The following DDX31 variants were observed in gnomAD, a reference collection of about 807,000 sequenced individuals.
DDX31 encodes the protein ATP-dependent DNA helicase DDX31.
DDX31 carries 70 observed loss-of-function variants against 91.3 expected under a neutral mutation model. The ratio of observed to expected loss-of-function variants is 0.77; its 90% CI spans 0.63 to 0.94. The LOEUF is 0.94. Ranked by LOEUF, DDX31 falls within the 40% of genes least tolerant of loss-of-function variation. The pLI, the probability that DDX31 is intolerant of heterozygous loss-of-function variation, is 0.00. For missense variants in DDX31, 902 were observed against 925.0 expected (o/e 0.98, Z 0.32); for synonymous variants, 362 against 350.6 (o/e 1.03, Z -0.36).
chr9:132,665,742 T>C (rs138780519), intron 1 of DDX31, among the ~76,000 whole-genome samples: 18 of 152,364 alleles, frequency 1.2e-4, no homozygotes, highest in Non-Finnish European at 2.2e-4. Context: ...GGCTTTGATA[T>C]TAATAAACAT....
At chr9:132,602,271 T>C (rs538877170) in intron 19 of DDX31, among the ~76,000 whole-genome samples, 2 of 152,182 alleles carry the variant, frequency 1.3e-5, no homozygotes, top group Non-Finnish European at 2.9e-5. Flanking sequence ...ACAGCAACCA[T>C]GGGAAGTGCA....
chr9:132,596,927 G>C (rs188791213), intron 19 of DDX31, among the ~76,000 whole-genome samples: 1 of 152,294 alleles, frequency 6.6e-6, no homozygotes, highest in African/African-American at 2.4e-5. Flanking sequence ...TCACTCATCA[G>C]CTGAGGACAC....
At chr9:132,623,644 G>A (rs888453330) in intron 17 of DDX31, among the ~76,000 whole-genome samples, 30 of 151,338 alleles carry the variant, frequency 2.0e-4, no homozygotes, top group African/African-American at 6.1e-4. Context: ...ACCCTGAGGC[G>A]TGCTCTTAGC....
chr9:132,660,916 C>A (rs539799391), intron 4 of DDX31, among the ~76,000 whole-genome samples: 1 of 152,264 alleles, frequency 6.6e-6, no homozygotes, highest in South Asian at 2.1e-4. Context: ...TATATTTTGG[C>A]CAAATTCTTT....
Position 132,632,021 on chromosome 9 carries a change from C to T in DDX31, c.1491+20G>A, listed in dbSNP as rs559453255. 3.6e-4 allele frequency: 572 copies of T among 1,610,468 alleles called. 6 individuals are homozygous for T. The South Asian group carries it at 6.1e-3, about 17-fold the overall frequency. On this transcript the variant is annotated intron_variant, in intron 15 of 19. Coordinates refer to ENST00000372159, the MANE Select transcript of DDX31 (RefSeq NM_022779.9). ...ATATATTCCTGCCTAAAGCTTACAC[C>T]TTAACAACTAAAAAATTACCTGAAC...
Position 132,662,541 on chromosome 9 carries a change from T to G in DDX31, c.230A>C (p.Lys77Thr). The G allele has an allele frequency of 8.1e-6, 13 of 1,614,258 alleles. No individual in the cohort carries two copies. Among genetic ancestry groups the G allele is most frequent in the Non-Finnish European group, 1.1e-5 (13 of 1,180,052 alleles). ...KGNAQKMFSP[K>T]KHSVSTSDRN... ...ATCACTTGTGCTAACCGAATGCTTC[T>G]TTGGAGAAAACATTTTTTGTGCGTT... Residue 77 changes from lysine to threonine, a missense_variant, in exon 2 of 20, where the codon AAG becomes ACG. Transcript: ENST00000372159.
At chr9:132,653,130 T>G (rs1834318387) in intron 6 of DDX31, among the ~76,000 whole-genome samples, 1 of 150,270 alleles carries the variant, frequency 6.7e-6, no homozygotes, top group Non-Finnish European at 1.5e-5. Context: ...AAAAAAACCA[T>G]AAGAGAACTA....
chr9:132,655,030 C>T (rs562366973), intron 6 of DDX31, among the ~76,000 whole-genome samples: 8 of 151,972 alleles, frequency 5.3e-5, no homozygotes, highest in African/African-American at 1.2e-4. Context: ...CCTTCTACAC[C>T]GCTGCTGGAG....
chr9:132,614,049 C>T (rs1831497475), intron 18 of DDX31, among the ~76,000 whole-genome samples: 1 of 152,180 alleles, frequency 6.6e-6, no homozygotes, highest in South Asian at 2.1e-4. Context: ...CTTCCTCACT[C>T]TCCTTGTTGA....
chr9:132,664,716 CAAAAAA>C (rs10668095), intron 1 of DDX31, among the ~76,000 whole-genome samples: 5 of 97,426 alleles, frequency 5.1e-5, no homozygotes, highest in Non-Finnish European at 7.9e-5. Flanking sequence ...GACCCTCGCT[CAAAAAA>C]AAAAAAAAAA....
intron 19 of DDX31, 45 bp downstream of exon 19, chr9:132,612,042 C>T (rs751775620): frequency 5.7e-6 from 9 of 1,585,874 alleles, no homozygotes; most frequent in South Asian, 2.3e-5. Flanking sequence ...ATCATGTGAA[C>T]GGAGCTCTCT....
At chr9:132,668,514 T>C (rs937157877) in intron 1 of DDX31, among the ~76,000 whole-genome samples, 4 of 151,654 alleles carry the variant, frequency 2.6e-5, no homozygotes, top group African/African-American at 7.3e-5. Flanking sequence ...CCATGGCCCA[T>C]GATCCAGCCC....
Position 132,612,226 on chromosome 9 carries a change from T to TGGCGTAGGC in DDX31, c.1846_1854dup (p.Ala616_Ala618dup). On this transcript the variant is annotated inframe_insertion, in exon 19 of 20. Coordinates refer to ENST00000372159, the MANE Select transcript of DDX31 (RefSeq NM_022779.9). The stretch of plus-strand genomic sequence containing the variant: ...ATGTGCTTCAGCTCCCTGGGGTAGG[T>TGGCGTAGGC]GGCGTAGGCTTGGATGAAGGACTGC... 2 of 1,614,036 alleles carry TGGCGTAGGC rather than the reference T, an allele frequency of 1.2e-6. No homozygotes were observed. The highest frequency in any genetic ancestry group is 1.7e-6 in the Non-Finnish European group (2 of 1,179,986).
At chr9:132,657,697 C>T (rs559608731) in intron 6 of DDX31, among the ~76,000 whole-genome samples, 1 of 152,266 alleles carries the variant, frequency 6.6e-6, no homozygotes, top group African/African-American at 2.4e-5. Context: ...AGTCACCTCA[C>T]TTTCTATTTC....
At position 132,646,992 on chromosome 9, in the gene DDX31, T is replaced by TG. The variant is rs774781361; in HGVS notation, c.1033dup (p.His345ProfsTer2). 6.2e-7 allele frequency: 1 copy of TG among 1,614,260 alleles called. No individual in the cohort carries two copies. Among genetic ancestry groups the TG allele is most frequent in the Non-Finnish European group, 8.5e-7 (1 of 1,180,046 alleles). On this transcript the variant is annotated frameshift_variant, in exon 12 of 20. Coordinates refer to ENST00000372159, the MANE Select transcript of DDX31 (RefSeq NM_022779.9). LOFTEE classifies it high-confidence loss of function. ...TTTGTCCTTTGGGTTCAACTGGTCATGGCTCTTGTCCAGGACAGAAATACT... is the reference window on the plus strand; with the variant it reads ...TTTGTCCTTTGGGTTCAACTGGTCATGGGCTCTTGTCCAGGACAGAAATACT...
Position 132,662,576 on chromosome 9 carries a change from A to T in DDX31, c.195T>A (p.Thr65=), listed in dbSNP as rs1249397880. The change falls in exon 2 of 20, where the codon ACT becomes ACA. Residue 65 remains threonine, a synonymous_variant. Coordinates refer to ENST00000372159, the MANE Select transcript of DDX31 (RefSeq NM_022779.9). Reference sequence around the variant, plus strand: ...ACATTTTTTGTGCGTTCCCCTTAAAAGTCCTCTGAGTTTCTTTAACACTAG... The same window carrying T: ...ACATTTTTTGTGCGTTCCCCTTAAATGTCCTCTGAGTTTCTTTAACACTAG... ...KKTSVKETQR[T]FKGNAQKMFS... 1 of 1,614,070 alleles carries T rather than the reference A, an allele frequency of 6.2e-7. No homozygotes were observed. Among genetic ancestry groups the T allele is most frequent in the Non-Finnish European group, 8.5e-7 (1 of 1,180,034 alleles).
Position 132,669,815 on chromosome 9 carries a change from C to T in DDX31, c.75+45G>A, listed in dbSNP as rs1475488281. On this transcript the variant is annotated intron_variant, in intron 1 of 19. Transcript: ENST00000372159. ...GCTGCAGCTCGCGGCGCGCCCACAG[C>T]CGGGCCGCGGGTGGGGACGGAGCTG... is the stretch of plus-strand genomic sequence containing the variant. The T allele has an allele frequency of 4.6e-6, 7 of 1,531,640 alleles. No individual in the cohort carries two copies. The East Asian group carries it at 1.7e-4, about 37-fold the overall frequency. 94.9% of individuals were successfully genotyped at this position (1,531,640 alleles called of 1,614,324 possible).
chr9:132,637,216 C>T (rs1214849541), intron 14 of DDX31, among the ~76,000 whole-genome samples: 3 of 152,188 alleles, frequency 2.0e-5, no homozygotes, highest in Admixed American at 2.0e-4. Context: ...AGTCAGCCAG[C>T]TACATCAGAT....
chr9:132,632,149 T>C, intron 14 of DDX31, 58 bp from the exon 15 acceptor site: 1 of 1,523,892 alleles, frequency 6.6e-7, no homozygotes, highest in Non-Finnish European at 9.0e-7. Context: ...TCTGGGGTCC[T>C]GGATATGTTT....
Sources: allele counts gnomAD v4.1 joint callset (sites outside exome capture counted in the v4.1 genomes callset), GRCh38; gene constraint gnomAD v4.1.1; transcripts MANE v1.5; gene names NCBI Gene and HGNC (gene_info 2026-07-23, HGNC 2026-07-21).